The following RABGAP1L variants were observed in gnomAD, a reference collection of about 807,000 sequenced individuals.
The protein encoded by RABGAP1L is RAB GTPase activating protein 1 like.
A neutral mutation model predicts 137.7 loss-of-function variants in RABGAP1L; 63 were observed. That is an observed-to-expected ratio of 0.46 (90% CI 0.37 to 0.56). The LOEUF (loss-of-function observed/expected upper bound fraction) is 0.56. Among genes scored for constraint, RABGAP1L ranks in the 20% least tolerant of loss-of-function variants. RABGAP1L has a pLI of 0.00. For missense variants in RABGAP1L, 1,095 were observed against 1,244.0 expected, an observed-to-expected ratio of 0.88 and a Z score of 1.80; for synonymous variants, 431 against 433.7, an observed-to-expected ratio of 0.99 and a Z score of 0.08.
chr1:174,690,863 C>T (rs1280833957), intron 15 of RABGAP1L, among the ~76,000 whole-genome samples: 7 of 133,964 alleles, frequency 5.2e-5, no homozygotes, highest in Non-Finnish European at 9.2e-5. Context: ...GACATGGTCT[C>T]GCTCTATGAC....
chr1:174,538,202 T>A (rs1447670573), intron 13 of RABGAP1L, among the ~76,000 whole-genome samples: 2 of 152,172 alleles, frequency 1.3e-5, no homozygotes, highest in East Asian at 1.9e-4. Context: ...CTGTGAACAT[T>A]TGAACTATTT....
chr1:174,421,824 A>C (rs570261442), intron 13 of RABGAP1L, among the ~76,000 whole-genome samples: 44 of 152,360 alleles, frequency 2.9e-4, no homozygotes, highest in African/African-American at 9.6e-4. Context: ...GCTGGAGTAC[A>C]GTGGCACGAT....
chr1:174,297,418 CCAGGTTCCACA>C (rs1205916026), intron 10 of RABGAP1L, among the ~76,000 whole-genome samples: 1 of 152,126 alleles, frequency 6.6e-6, no homozygotes, highest in Non-Finnish European at 1.5e-5. Flanking sequence ...TCTTCAAATT[CCAGGTTCCACA>C]CAGGAAGAGG....
At chr1:174,551,932 A>G (rs1193077448) in intron 13 of RABGAP1L, among the ~76,000 whole-genome samples, 6 of 121,226 alleles carry the variant, frequency 4.9e-5, no homozygotes, top group African/African-American at 2.9e-4. Context: ...TTTAGAAGAA[A>G]TGAATCTCAA....
intron 22 of RABGAP1L, among the ~76,000 whole-genome samples, chr1:174,977,951 AG>A (rs1305692684): frequency 6.6e-6 from 1 of 152,222 alleles, no homozygotes; most frequent in Non-Finnish European, 1.5e-5. Context: ...GCAATTACAG[AG>A]TATACGCCAT....
At chr1:174,909,680 C>T (rs971684982) in intron 19 of RABGAP1L, among the ~76,000 whole-genome samples, 3 of 152,002 alleles carry the variant, frequency 2.0e-5, no homozygotes, top group Non-Finnish European at 4.4e-5. Context: ...CCAATAAAAT[C>T]AGAAACAAAA....
intron 13 of RABGAP1L, among the ~76,000 whole-genome samples, chr1:174,631,795 G>T (rs1280581996): frequency 6.6e-6 from 1 of 150,552 alleles, no homozygotes; most frequent in Non-Finnish European, 1.5e-5. Flanking sequence ...GTCTCTGCAC[G>T]TGAGATGGGT....
At chr1:174,499,678 A>G (rs1661076883) in intron 13 of RABGAP1L, among the ~76,000 whole-genome samples, 1 of 152,216 alleles carries the variant, frequency 6.6e-6, no homozygotes, top group Non-Finnish European at 1.5e-5. Flanking sequence ...TATTGTGAAG[A>G]TGAAATGATA....
intron 14 of RABGAP1L, among the ~76,000 whole-genome samples, chr1:174,638,928 C>T (rs1181512818): frequency 7.1e-6 from 1 of 140,142 alleles, no homozygotes; most frequent in Admixed American, 7.2e-5. Context: ...GGAGATATAC[C>T]TAATGCTAGA....
At chr1:174,381,580 A>C (rs1231523725) in intron 12 of RABGAP1L, among the ~76,000 whole-genome samples, 1 of 81,098 alleles carries the variant, frequency 1.2e-5, no homozygotes, top group Non-Finnish European at 2.1e-5. Context: ...TGTTGGTGTA[A>C]AGTCTGTTTT....
chr1:174,425,076 C>T (rs569863076), intron 13 of RABGAP1L, among the ~76,000 whole-genome samples: 1 of 152,032 alleles, frequency 6.6e-6, no homozygotes, highest in Admixed American at 6.5e-5. Flanking sequence ...ATATCATAAA[C>T]TATAGCATTG....
At chr1:174,698,524 C>T (rs1679419983) in intron 15 of RABGAP1L, among the ~76,000 whole-genome samples, 1 of 152,100 alleles carries the variant, frequency 6.6e-6, no homozygotes, top group African/African-American at 2.4e-5. Flanking sequence ...CTCTACCCCA[C>T]CCCATTTTTG....
intron 20 of RABGAP1L, among the ~76,000 whole-genome samples, chr1:174,966,308 A>AG (rs1464564984): frequency 1.3e-5 from 2 of 152,350 alleles, no homozygotes; most frequent in Non-Finnish European, 2.9e-5. Context: ...CTATTGAAGT[A>AG]GTCTTATCTT....
intron 11 of RABGAP1L, among the ~76,000 whole-genome samples, chr1:174,364,000 C>T (rs76016312): frequency 0.012 from 1,815 of 151,766 alleles, 10 homozygotes; most frequent in Middle Eastern, 0.041. Context: ...TATTGGCCTA[C>T]AGTTTCCCTT....
intron 15 of RABGAP1L, among the ~76,000 whole-genome samples, chr1:174,686,072 G>A (rs992336443): frequency 1.3e-5 from 2 of 152,088 alleles, no homozygotes; most frequent in African/African-American, 4.8e-5. Context: ...GGGCTGATGC[G>A]GAAGTAAAAT....
At chr1:174,740,304 A>G (rs1419280968) in intron 17 of RABGAP1L, among the ~76,000 whole-genome samples, 1 of 152,206 alleles carries the variant, frequency 6.6e-6, no homozygotes, top group South Asian at 2.1e-4. Flanking sequence ...CTTCACTAAC[A>G]TTTACCTATA....
At chr1:174,181,332 CTTTTTTTCTTT>C (rs1439632291) in intron 1 of RABGAP1L, among the ~76,000 whole-genome samples, 2 of 142,822 alleles carry the variant, frequency 1.4e-5, no homozygotes, top group Admixed American at 7.3e-5. Flanking sequence ...AAGGGTCTTT[CTTTTTTTCTTT>C]TTTTTTTTTT....
chr1:174,327,050 A>T (rs554294399), intron 11 of RABGAP1L, among the ~76,000 whole-genome samples: 1 of 152,120 alleles, frequency 6.6e-6, no homozygotes, highest in Non-Finnish European at 1.5e-5. Flanking sequence ...TCTGCCTTGC[A>T]AAAAAAGGTG....
At chr1:174,621,146 G>A (rs1010962297) in intron 13 of RABGAP1L, among the ~76,000 whole-genome samples, 3 of 152,132 alleles carry the variant, frequency 2.0e-5, no homozygotes, top group African/African-American at 7.2e-5. Context: ...CAACTTACAA[G>A]GGACATGAAG....
Sources: allele counts gnomAD v4.1 joint callset (sites outside exome capture counted in the v4.1 genomes callset), GRCh38; gene constraint gnomAD v4.1.1; transcripts MANE v1.5; gene names NCBI Gene and HGNC (gene_info 2026-07-23, HGNC 2026-07-21).